Variants in TMPO observed in about 807,000 individuals in gnomAD.
TMPO encodes the protein thymopoietin.
In TMPO, 22 loss-of-function variants were observed where a neutral mutation model predicts 45.4. That is an observed-to-expected ratio of 0.48 (90% CI 0.35 to 0.69). The LOEUF (loss-of-function observed/expected upper bound fraction) is 0.69. Ranked by LOEUF, TMPO falls within the 30% of genes least tolerant of loss-of-function variation. TMPO has a pLI of 0.01. For synonymous variants in TMPO, 241 were observed against 204.1 expected (o/e 1.18, Z -1.54); for missense variants, 512 against 548.8 (o/e 0.93, Z 0.67).
chr12:98,517,121 A>G (rs1428937745), intron 1 of TMPO, among the ~76,000 whole-genome samples: 1 of 152,208 alleles, frequency 6.6e-6, no homozygotes, highest in African/African-American at 2.4e-5. Flanking sequence ...CTGCAAACAA[A>G]TATTTGAAAA....
chr12:98,532,853 C>G, intron 3 of TMPO: 4 of 1,614,138 alleles, frequency 2.5e-6, no homozygotes, highest in Non-Finnish European at 3.4e-6. Context: ...AAAGTGAAGT[C>G]CACTAGGGAT....
Position 98,549,055 on chromosome 12 carries a change from A to C in TMPO, c.*1197A>C, listed in dbSNP as rs1162828838. ...AGAATCGTTTGAACCCAGGAGGCAG[A>C]GGTTGCAGTGAGCAGAGATTACGTC... On this transcript the variant is annotated 3_prime_UTR_variant, in exon 9 of 9. Coordinates refer to ENST00000556029, the MANE Select transcript of TMPO (RefSeq NM_001032283.3). 1 of 152,234 alleles carries C rather than the reference A, an allele frequency of 6.6e-6. No homozygotes were observed. Among genetic ancestry groups the C allele is most frequent in the Non-Finnish European group, 1.5e-5 (1 of 68,108 alleles). 9.4% of individuals were successfully genotyped at this position (152,234 alleles called of 1,614,324 possible). A position where few individuals can be genotyped will look rare whatever the true frequency, so the allele number is the denominator to read the frequency against.
chr12:98,522,811 TGG>T (rs1445117802), intron 1 of TMPO, among the ~76,000 whole-genome samples: 1 of 152,218 alleles, frequency 6.6e-6, no homozygotes, highest in Non-Finnish European at 1.5e-5. Context: ...AGTTGTCAGA[TGG>T]GGATATTAGC....
Position 98,534,121 on chromosome 12 carries a change from T to C in TMPO, c.565+2283T>C, listed in dbSNP as rs946228612. 1 of 1,613,756 alleles carries C rather than the reference T, an allele frequency of 6.2e-7. No homozygotes were observed. On this transcript the variant is annotated intron_variant, in intron 3 of 8. Coordinates refer to ENST00000556029, the MANE Select transcript of TMPO (RefSeq NM_001032283.3). ...AGCGCTTGGGATTCTGAGCAAAACA[T>C]ATGATGCAGCCTCATATATTTGTGA...
chr12:98,534,214 C>G, intron 3 of TMPO: 3 of 1,613,966 alleles, frequency 1.9e-6, no homozygotes, highest in Non-Finnish European at 2.5e-6. Context: ...TCGTCGATAC[C>G]TCTGGCTGAA....
rs746913453 is a variant in TMPO, at chr12:98,544,280, A to G, written c.714A>G (p.Ser238=). 1.2e-6 allele frequency: 2 copies of G among 1,613,992 alleles called. No homozygotes were observed. Among genetic ancestry groups the G allele is most frequent in the Non-Finnish European group, 1.7e-6 (2 of 1,179,884 alleles). The part of the protein sequence containing the change: ...ITETEWTSGS[S]KGGPLQALTR... ...AGACTGAATGGACAAGTGGATCTTCAAAAGGCGGACCTCTGCAGGCATTAA... is the reference window on the plus strand; with the variant it reads ...AGACTGAATGGACAAGTGGATCTTCGAAAGGCGGACCTCTGCAGGCATTAA... Residue 238 remains serine (S), a synonymous_variant, in exon 5 of 9, where the codon TCA becomes TCG. Transcript: ENST00000556029.
At chr12:98,524,754 C>T (rs750370526) in intron 1 of TMPO, among the ~76,000 whole-genome samples, 19 of 151,964 alleles carry the variant, frequency 1.3e-4, no homozygotes, top group Non-Finnish European at 5.9e-5. Flanking sequence ...CCACCACACC[C>T]GGCTAATTTT....
intron 4 of TMPO, among the ~76,000 whole-genome samples, chr12:98,539,029 T>C (rs1007463940): frequency 1.3e-5 from 2 of 151,790 alleles, no homozygotes; most frequent in Admixed American, 1.3e-4. Context: ...GGAGAAACCC[T>C]GTCTCTACTA....
chr12:98,545,125 G>GTTTGT, intron 7 of TMPO, 64 bp downstream of exon 7: 1 of 542,526 alleles, frequency 1.8e-6, no homozygotes, highest in Non-Finnish European at 2.9e-6. Flanking sequence ...ATAAATATTT[G>GTTTGT]TTTGTTTTTT....
intron 1 of TMPO, among the ~76,000 whole-genome samples, chr12:98,525,842 A>AT (rs1876726506): frequency 6.6e-6 from 1 of 151,936 alleles, no homozygotes. Flanking sequence ...ATCATGACTG[A>AT]TTTTTCCCCC....
rs577998489 is a variant in TMPO at position 98,534,690 on chromosome 12, T to C, written c.566-2785T>C. ...GTATTTACTGTTCAATAGAATAATA[T>C]GCATCCTCCTTTATACCTAGGACAG... On this transcript the variant is annotated intron_variant, in intron 3 of 8. Coordinates refer to ENST00000556029, the MANE Select transcript of TMPO (RefSeq NM_001032283.3). 3.4e-5 allele frequency: 38 copies of C among 1,104,874 alleles called. No individual in the cohort carries two copies. The South Asian group carries it at 8.8e-4, about 26-fold the overall frequency. The allele number at this position is 1,104,874 out of a possible 1,614,324, so 68.4% of individuals were successfully genotyped here.
At chr12:98,546,874 G>GT (rs573395908) in intron 8 of TMPO, among the ~76,000 whole-genome samples, 1 of 152,068 alleles carries the variant, frequency 6.6e-6, no homozygotes, top group Admixed American at 6.6e-5. Context: ...GTGAGAAATA[G>GT]TTTTTCCCCC....
chr12:98,534,215 T>G (rs1411502992), intron 3 of TMPO: 1 of 1,613,968 alleles, frequency 6.2e-7, no homozygotes. Context: ...CGTCGATACC[T>G]CTGGCTGAAG....
Position 98,544,980 on chromosome 12 carries a change from G to T in TMPO, c.909G>T (p.Lys303Asn). The T allele has an allele frequency of 1.2e-6, 2 of 1,613,346 alleles. No individual in the cohort carries two copies. Among genetic ancestry groups the T allele is most frequent in the East Asian group, 2.2e-5 (1 of 44,832 alleles). ...LVVNRVTGNF[K>N]HASPILPITE... ...TCAATAGGGTGACTGGAAATTTCAA[G>T]CATGCATCTCCTATTCTGCCAATCA... The change falls in exon 7 of 9, where the codon AAG becomes AAT. Residue 303 changes from lysine to asparagine, a missense_variant. Lys to Asn is a moderately conservative substitution (Grantham distance 94). Transcript: ENST00000556029.
At chr12:98,520,294 C>A (rs1383149122) in intron 1 of TMPO, among the ~76,000 whole-genome samples, 2 of 145,356 alleles carry the variant, frequency 1.4e-5, no homozygotes, top group Non-Finnish European at 3.0e-5. Flanking sequence ...TCCTTCCTTC[C>A]TTCCTTCCTT....
chr12:98,533,959 G>A (rs1877393541), intron 3 of TMPO: 1 of 1,613,356 alleles, frequency 6.2e-7, no homozygotes, highest in Non-Finnish European at 8.5e-7. Context: ...GTTGGACTTA[G>A]CACTCTGTAG....
At chr12:98,516,380 G>C (rs1875819990) in intron 1 of TMPO, 2 of 1,201,378 alleles carry the variant, frequency 1.7e-6, no homozygotes, top group Admixed American at 8.9e-5. Flanking sequence ...TGGGAGGTGT[G>C]GAGTTGCGTT....
intron 1 of TMPO, among the ~76,000 whole-genome samples, chr12:98,519,538 G>A (rs1210055947): frequency 1.3e-5 from 2 of 152,166 alleles, no homozygotes; most frequent in East Asian, 3.9e-4. Context: ...AGGTCTATTG[G>A]CATGGTAATT....
At position 98,550,117 on chromosome 12, in the gene TMPO, G is replaced by A. The variant is rs1027031614; in HGVS notation, c.*2259G>A. On this transcript the variant is annotated 3_prime_UTR_variant, in exon 9 of 9. Transcript: ENST00000556029. ...TAAGATCAATTCACTTAAAAGTATG[G>A]TCCAAATAGCAAAAATAGGACCAGG... The A allele has an allele frequency of 3.3e-5, 5 of 152,126 alleles. 1 individual carries two copies. Among genetic ancestry groups the A allele is most frequent in the African/African-American group, 1.2e-4 (5 of 41,430 alleles). The allele number at this position is 152,126 out of a possible 1,614,324, so 9.4% of individuals were successfully genotyped here. A position where few individuals can be genotyped will look rare whatever the true frequency, so the allele number is the denominator to read the frequency against.
Sources: gnomAD v4.1 joint callset for allele counts (sites outside exome capture counted in the v4.1 genomes callset) on GRCh38, gnomAD v4.1.1 for gene constraint, MANE v1.5 for transcripts, NCBI Gene and HGNC (gene_info 2026-07-23, HGNC 2026-07-21) for gene names.